Variants in ZNF324B observed in about 807,000 individuals in gnomAD.
ZNF324B encodes the protein zinc finger protein 324B.
In ZNF324B, 7 loss-of-function variants were observed where a neutral mutation model predicts 10.6. The observed-to-expected ratio is 0.66, with a 90% confidence interval of 0.38 to 1.24. The LOEUF (loss-of-function observed/expected upper bound fraction) is 1.24. ZNF324B is among the 50% of genes most tolerant of loss of function. The probability of loss-of-function intolerance (pLI) is 0.02; values close to 1 mark genes in which losing one functional copy is unlikely to be tolerated. For synonymous variants in ZNF324B, 316 were observed against 321.0 expected, an observed-to-expected ratio of 0.98 and a Z score of 0.17; for missense variants, 640 against 764.7, an observed-to-expected ratio of 0.84 and a Z score of 1.92.
the ZNF324B span, among the ~76,000 whole-genome samples, chr19:58,427,291 T>TTTTCTTTC: frequency 4.8e-3 from 280 of 58,374 alleles, 26 homozygotes; most frequent in Middle Eastern, 0.022. Context: ...TGCCTGGCTT[T>TTTTCTTTC]TTTCTTTCTT....
the ZNF324B span, among the ~76,000 whole-genome samples, chr19:58,421,219 G>A: frequency 4.6e-5 from 7 of 151,990 alleles, no homozygotes; most frequent in South Asian, 1.0e-3. Flanking sequence ...CTGCTCTGGA[G>A]TAGAGTCCCA....
chr19:58,441,650 C>T, the ZNF324B span: 2 of 152,156 alleles, frequency 1.3e-5, no homozygotes, highest in African/African-American at 2.4e-5. Context: ...TCAAATGGGC[C>T]TCTGGATATA....
At chr19:58,432,861 G>T in the ZNF324B span, 101 of 170,536 alleles carry the variant, frequency 5.9e-4, no homozygotes, top group Non-Finnish European at 1.1e-3. Context: ...TGCAGGCAAG[G>T]TAGGTGATTC....
At chr19:58,438,269 C>G in the ZNF324B span, among the ~76,000 whole-genome samples, 160 of 152,292 alleles carry the variant, frequency 1.1e-3, no homozygotes, top group African/African-American at 3.7e-3. Flanking sequence ...CATGCAGTGT[C>G]CACACACAAG....
chr19:58,424,026 G>T, the ZNF324B span, among the ~76,000 whole-genome samples: 1 of 151,742 alleles, frequency 6.6e-6, no homozygotes, highest in African/African-American at 2.4e-5. Context: ...GATCACCAGA[G>T]GTCAGGAGTT....
At chr19:58,431,687 A>G in the ZNF324B span, among the ~76,000 whole-genome samples, 1 of 152,202 alleles carries the variant, frequency 6.6e-6, no homozygotes, top group Non-Finnish European at 1.5e-5. Context: ...TACATGGTAA[A>G]TAAGCTTTTT....
At chr19:58,439,043 G>A in the ZNF324B span, among the ~76,000 whole-genome samples, 1 of 152,114 alleles carries the variant, frequency 6.6e-6, no homozygotes, top group Non-Finnish European at 1.5e-5. Context: ...CAAAGTGCTG[G>A]GATTACAAGT....
the ZNF324B span, among the ~76,000 whole-genome samples, chr19:58,438,724 C>T: frequency 5.9e-5 from 9 of 151,464 alleles, no homozygotes; most frequent in East Asian, 2.0e-4. Context: ...CCACCTGCCT[C>T]GGCCTCCCAA....
At chr19:58,428,137 C>T in the ZNF324B span, among the ~76,000 whole-genome samples, 1 of 152,190 alleles carries the variant, frequency 6.6e-6, no homozygotes, top group Non-Finnish European at 1.5e-5. Context: ...TGTCCATCCC[C>T]TCAGGGGCTT....
Position 58,455,455 on chromosome 19 carries a change from A to G in ZNF324B, c.511A>G (p.Ser171Gly). The G allele has an allele frequency of 6.2e-7, 1 of 1,614,078 alleles. No homozygotes were observed. The highest frequency in any genetic ancestry group is 8.5e-7 in the Non-Finnish European group (1 of 1,179,970). The change falls in exon 4 of 4, where the codon AGC (serine) becomes GGC (glycine). Residue 171 changes from serine (S) to glycine (G), a missense_variant. Ser to Gly is a moderately conservative substitution (Grantham distance 56, BLOSUM62 0). This residue lies in a region of ZNF324B where 345 missense variants were observed against 387.9 expected (regional missense o/e 0.89). Transcript: ENST00000336614. This position sits in a 1 kb window ranked among gnomAD's most constrained non-coding sequence, Gnocchi z 7.0. Reference sequence around the variant, plus strand: ...GACCTCCCCACTCAGGCCCCCCAAGAGCAGCCGGCCCAGGGAAAAGACCTT... The same window carrying G: ...GACCTCCCCACTCAGGCCCCCCAAGGGCAGCCGGCCCAGGGAAAAGACCTT... ...RLTSPLRPPK[S>G]SRPREKTFTE...
chr19:58,435,434 G>A, the ZNF324B span: 1 of 520,142 alleles, frequency 1.9e-6, no homozygotes, highest in Non-Finnish European at 3.4e-6. Flanking sequence ...TAAGGACACA[G>A]AAATGGGTCA....
rs1486640281 is a variant in ZNF324B, at chr19:58,452,727, T to TA, written c.-6-966dup. 6 of 860,054 alleles carry TA rather than the reference T, an allele frequency of 7.0e-6. No homozygotes were observed. The African/African-American group carries it at 1.1e-4, about 16-fold the overall frequency. The allele number at this position is 860,054 out of a possible 1,614,324, so 53.3% of individuals were successfully genotyped here. ...TGTCCTGGGCTGAGGACAGGGCCTATAAACTGGACTGAAGAAGGCGATGAG... is the reference window on the plus strand; with the variant it reads ...TGTCCTGGGCTGAGGACAGGGCCTATAAAACTGGACTGAAGAAGGCGATGAG... On this transcript the variant is annotated intron_variant, in intron 1 of 3. Transcript: ENST00000336614.
intron 1 of ZNF324B, 148 bp from the exon 2 acceptor site, chr19:58,453,548 G>A (rs2052882711): frequency 1.8e-6 from 2 of 1,110,848 alleles, no homozygotes; most frequent in African/African-American, 1.5e-5. Flanking sequence ...TCCCAGACAG[G>A]TGAGGGAAGT....
At chr19:58,427,931 C>A in the ZNF324B span, among the ~76,000 whole-genome samples, 1 of 152,190 alleles carries the variant, frequency 6.6e-6, no homozygotes, top group Non-Finnish European at 1.5e-5. Flanking sequence ...ACCTTTAATT[C>A]TGATCCCACA....
At chr19:58,434,189 T>G in the ZNF324B span, 1 of 1,614,206 alleles carries the variant, frequency 6.2e-7, no homozygotes, top group African/African-American at 1.3e-5. Context: ...CAGTGCTGAA[T>G]GAGAGCAGAG....
intron 3 of ZNF324B, 56 bp downstream of exon 3, chr19:58,454,400 T>C (rs761611845): frequency 1.8e-6 from 2 of 1,121,838 alleles, no homozygotes; most frequent in Non-Finnish European, 2.7e-6. Flanking sequence ...CAAGCCCATG[T>C]CCCTGCTTTT....
At chr19:58,434,795 GC>G in the ZNF324B span, 5 of 1,614,198 alleles carry the variant, frequency 3.1e-6, no homozygotes. Flanking sequence ...TATGGCTTCT[GC>G]CCACTGTCAA....
upstream of ZNF324B, chr19:58,451,551 C>A: frequency 2.0e-6 from 1 of 511,096 alleles, no homozygotes; most frequent in Non-Finnish European, 3.9e-6. Flanking sequence ...ACCCAGAAGG[C>A]TGTGCGCAAG....
chr19:58,427,492 TCC>T, the ZNF324B span, among the ~76,000 whole-genome samples: 1 of 113,010 alleles, frequency 8.8e-6, no homozygotes, highest in East Asian at 2.3e-4. Flanking sequence ...CTTCCTTCCT[TCC>T]TTTCTTTCTT....
Sources: allele counts gnomAD v4.1 joint callset (sites outside exome capture counted in the v4.1 genomes callset), GRCh38; gene constraint gnomAD v4.1.1; regional missense constraint gnomAD v4.1.1; non-coding constraint Gnocchi (gnomAD v3.1); transcripts MANE v1.5; gene names NCBI Gene and HGNC (gene_info 2026-07-23, HGNC 2026-07-21).